Variants in MGLL observed in about 807,000 individuals in gnomAD.
The protein encoded by MGLL is lysophospholipase homolog.
Under a neutral mutation model 29.1 loss-of-function variants are expected in MGLL, and 7 were observed. The observed-to-expected ratio is 0.24, with a 90% CI of 0.14 to 0.45. The LOEUF is 0.45. Among genes scored for constraint, MGLL ranks in the 20% least tolerant of loss-of-function variants. The pLI is 0.99. For synonymous variants in MGLL, 148 were observed against 168.3 expected, an observed-to-expected ratio of 0.88 and a Z score of 0.93; for missense variants, 356 against 413.6, an observed-to-expected ratio of 0.86 and a Z score of 1.21.
At chr3:127,711,739 T>C in intron 5 of MGLL, 1 of 151,438 alleles carries the variant, frequency 6.6e-6, no homozygotes. Flanking sequence ...TTTTTTTTTT[T>C]TTTTTTGAGA....
chr3:127,715,467 A>G (rs570123882), intron 5 of MGLL: 2 of 346,844 alleles, frequency 5.8e-6, no homozygotes, highest in South Asian at 4.4e-5. Context: ...TTCCCCATAA[A>G]AGCCCCAAGA....
At chr3:127,703,773 T>C (rs925690684) in intron 6 of MGLL, among the ~76,000 whole-genome samples, 1 of 152,196 alleles carries the variant, frequency 6.6e-6, no homozygotes, top group African/African-American at 2.4e-5. Flanking sequence ...GCCCACAGAA[T>C]AGGAGAAAAT....
intron 3 of MGLL, among the ~76,000 whole-genome samples, chr3:127,730,606 G>A (rs471662): frequency 6.6e-6 from 1 of 152,070 alleles, no homozygotes; most frequent in African/African-American, 2.4e-5. Flanking sequence ...GAGAGCTTAG[G>A]GTGGGCAGGG....
chr3:127,693,585 C>A (rs765850815), intron 7 of MGLL, among the ~76,000 whole-genome samples: 1 of 152,198 alleles, frequency 6.6e-6, no homozygotes, highest in Non-Finnish European at 1.5e-5. Flanking sequence ...ACTGGCTCTT[C>A]TCACCAACAG....
intron 3 of MGLL, among the ~76,000 whole-genome samples, chr3:127,781,291 T>C (rs780789923): frequency 6.6e-6 from 1 of 152,222 alleles, no homozygotes; most frequent in Non-Finnish European, 1.5e-5. Context: ...ACTATATGCA[T>C]GGGTAGCTGT....
In MGLL at chr3:127,690,004, G is replaced by A. The variant is rs898409149; in HGVS notation, c.*2194C>T. On this transcript the variant is annotated 3_prime_UTR_variant, in exon 8 of 8. Transcript: ENST00000265052. ...AGAGCCTTCATATAAATAAATTCAT[G>A]CATCTAAAGAGTCCCTGGTCAGGCC... 5 of 152,194 alleles carry A rather than the reference G, an allele frequency of 3.3e-5. No individual in the cohort carries two copies. The highest frequency in any genetic ancestry group is 9.7e-5 in the African/African-American group (4 of 41,444). 9.4% of individuals were successfully genotyped at this position (152,194 alleles called of 1,614,324 possible). A position where few individuals can be genotyped will look rare whatever the true frequency, so the allele number is the denominator to read the frequency against.
intron 3 of MGLL, among the ~76,000 whole-genome samples, chr3:127,734,963 G>A (rs1194332302): frequency 6.6e-6 from 1 of 152,242 alleles, no homozygotes; most frequent in Non-Finnish European, 1.5e-5. Flanking sequence ...TACAGAATGT[G>A]TGGTCAGGGC....
intron 6 of MGLL, among the ~76,000 whole-genome samples, chr3:127,707,265 A>G (rs914976876): frequency 1.3e-5 from 2 of 152,140 alleles, no homozygotes; most frequent in South Asian, 4.1e-4. Flanking sequence ...CACCCCTTCC[A>G]CAGCCTGGGA....
intron 2 of MGLL, among the ~76,000 whole-genome samples, chr3:127,816,379 C>A (rs148717826): frequency 6.6e-6 from 1 of 152,034 alleles, no homozygotes; most frequent in Non-Finnish European, 1.5e-5. Context: ...AACCTAAGGG[C>A]GGGGAAGGAA....
chr3:127,738,835 G>A (rs1161749621), intron 3 of MGLL, among the ~76,000 whole-genome samples: 1 of 152,206 alleles, frequency 6.6e-6, no homozygotes, highest in African/African-American at 2.4e-5. Context: ...CAGCCGCACA[G>A]GCCAGCTATG....
Position 127,721,045 on chromosome 3 carries a change from C to T in MGLL, c.510+8G>A. The T allele has an allele frequency of 6.2e-7, 1 of 1,611,530 alleles. No individual in the cohort carries two copies. Among genetic ancestry groups the T allele is most frequent in the Non-Finnish European group, 8.5e-7 (1 of 1,177,578 alleles). On this transcript the variant is annotated splice_region_variant and intron_variant, in intron 5 of 7. Transcript: ENST00000265052. The stretch of plus-strand genomic sequence containing the variant: ...GTAGGAATTGTACAGACTGGAAGGT[C>T]CTTTTACCTTGAAAGTTGTTGCAGA...
rs2075202900 is a variant in MGLL at position 127,689,250 on chromosome 3, T to C, written c.*2948A>G. On this transcript the variant is annotated 3_prime_UTR_variant, in exon 8 of 8. Transcript: ENST00000265052. Reference sequence around the variant, plus strand: ...ATCCCAACAAGGTCTATGTTAGCAATTGGTGAAAGAAGAAGAGAGTGAGAT... The same window carrying C: ...ATCCCAACAAGGTCTATGTTAGCAACTGGTGAAAGAAGAAGAGAGTGAGAT... 1 of 152,090 alleles carries C rather than the reference T, an allele frequency of 6.6e-6. No individual in the cohort carries two copies. The highest frequency in any genetic ancestry group is 6.6e-5 in the Admixed American group (1 of 15,266). 9.4% of individuals were successfully genotyped at this position (152,090 alleles called of 1,614,324 possible). A position where few individuals can be genotyped will look rare whatever the true frequency, so the allele number is the denominator to read the frequency against.
At chr3:127,769,881 G>A (rs74847641) in intron 3 of MGLL, among the ~76,000 whole-genome samples, 1 of 152,038 alleles carries the variant, frequency 6.6e-6, no homozygotes, top group Admixed American at 6.5e-5. Context: ...ATGGAGCGGG[G>A]CTCCTGTGAG....
chr3:127,765,522 G>A (rs2076840956), intron 3 of MGLL, among the ~76,000 whole-genome samples: 1 of 152,236 alleles, frequency 6.6e-6, no homozygotes, highest in Non-Finnish European at 1.5e-5. Flanking sequence ...CACACTTGCT[G>A]CGGCCCTCGG....
Position 127,822,476 on chromosome 3 carries a change from A to T in MGLL, c.-158T>A. Reference sequence around the variant, plus strand: ...CCCTGCCTTTCGGGCTGGGGCGCTCAGCCGGGAGCCTGCTTCCAGCTCCCA... The same window carrying T: ...CCCTGCCTTTCGGGCTGGGGCGCTCTGCCGGGAGCCTGCTTCCAGCTCCCA... On this transcript the variant is annotated 5_prime_UTR_variant, in exon 1 of 8. Coordinates refer to ENST00000265052, the MANE Select transcript of MGLL (RefSeq NM_007283.7). 1.4e-6 allele frequency: 1 copy of T among 727,682 alleles called. No individual in the cohort carries two copies. The highest frequency in any genetic ancestry group is 3.3e-4 in the Middle Eastern group (1 of 2,988). The allele number at this position is 727,682 out of a possible 1,614,324, so 45.1% of individuals were successfully genotyped here.
chr3:127,768,407 G>T (rs684358), intron 3 of MGLL, among the ~76,000 whole-genome samples: 142,996 of 152,246 alleles, frequency 0.94, 67,339 homozygotes, highest in Middle Eastern at 0.98. Flanking sequence ...TGAGCCCATA[G>T]CTGATGCCAA....
intron 6 of MGLL, among the ~76,000 whole-genome samples, chr3:127,708,283 C>G (rs1052007093): frequency 6.6e-6 from 1 of 152,218 alleles, no homozygotes; most frequent in African/African-American, 2.4e-5. Flanking sequence ...CTTGATTTTT[C>G]CAACTGCAGT....
chr3:127,807,837 C>T (rs2077595148), intron 2 of MGLL, among the ~76,000 whole-genome samples: 1 of 132,366 alleles, frequency 7.6e-6, no homozygotes, highest in Non-Finnish European at 1.5e-5. Context: ...TCTCGGCTCA[C>T]TGCAAGCTCC....
chr3:127,815,768 C>T (rs890458648), intron 2 of MGLL, among the ~76,000 whole-genome samples: 4 of 152,244 alleles, frequency 2.6e-5, no homozygotes, highest in Non-Finnish European at 5.9e-5. Context: ...GTCTAATTTG[C>T]ACAAAGGCTC....
Sources: allele counts gnomAD v4.1 joint callset (sites outside exome capture counted in the v4.1 genomes callset), GRCh38; gene constraint gnomAD v4.1.1; transcripts MANE v1.5; gene names NCBI Gene and HGNC (gene_info 2026-07-23, HGNC 2026-07-21).